The following SLC20A1 variants were observed in gnomAD, a reference collection of about 807,000 sequenced individuals.
SLC20A1 encodes sodium-dependent phosphate transporter 1.
Under a neutral mutation model 62.7 loss-of-function variants are expected in SLC20A1, and 28 were observed. The ratio of observed to expected loss-of-function variants is 0.45; its 90% CI spans 0.33 to 0.61. The LOEUF (loss-of-function observed/expected upper bound fraction) is 0.61. Among genes scored for constraint, SLC20A1 ranks in the 20% least tolerant of loss-of-function variants. SLC20A1 has a pLI of 0.02. For synonymous variants in SLC20A1, 305 were observed against 302.9 expected (o/e 1.01, Z -0.07); for missense variants, 673 against 838.6 (o/e 0.80, Z 2.44).
At chr2:112,648,281 A>T (rs553561112) in intron 4 of SLC20A1, among the ~76,000 whole-genome samples, 3 of 152,332 alleles carry the variant, frequency 2.0e-5, no homozygotes, top group Admixed American at 2.0e-4. Flanking sequence ...CCCCCCAAAA[A>T]AACTTCAGGC....
At chr2:112,654,541 G>A (rs1365576919) in intron 5 of SLC20A1, among the ~76,000 whole-genome samples, 2 of 152,174 alleles carry the variant, frequency 1.3e-5, no homozygotes, top group Non-Finnish European at 2.9e-5. Context: ...TTTAGTTTGT[G>A]TGACCACATG....
rs372807489 is a variant in SLC20A1 at position 112,661,136 on chromosome 2, C to T, written c.1794-6C>T. Reference sequence around the variant, plus strand: ...CTTCCTGACAAGAATCCTTTTGTGTCTGTAGTGGCTTCAGTATTGAACTGG... The same window carrying T: ...CTTCCTGACAAGAATCCTTTTGTGTTTGTAGTGGCTTCAGTATTGAACTGG... On this transcript the variant is annotated splice_region_variant and splice_polypyrimidine_tract_variant and intron_variant, in intron 9 of 10. Transcript: ENST00000272542. The T allele has an allele frequency of 1.9e-5, 31 of 1,612,408 alleles. No homozygotes were observed. The highest frequency in any genetic ancestry group is 2.5e-5 in the Non-Finnish European group (29 of 1,178,652).
At chr2:112,646,296 C>T (rs1686272213) in intron 1 of SLC20A1, among the ~76,000 whole-genome samples, 167 bp downstream of exon 1, 1 of 151,944 alleles carries the variant, frequency 6.6e-6, no homozygotes, top group Non-Finnish European at 1.5e-5. Flanking sequence ...TTTGGCGGTC[C>T]CCGGGCGGCG....
rs1686303082 is a variant in SLC20A1, at chr2:112,647,072, AG to A, written c.245del (p.Ser82ThrfsTer8). On this transcript the variant is annotated frameshift_variant, in exon 2 of 11. Transcript: ENST00000272542. LOFTEE classifies it high-confidence loss of function. ...VGSVLLGAKV[S>X]ETIRKGLIDV... ...CTCTGTCTTACTGGGGGCCAAAGTG[AG>A]CGAAACCATCCGGAAGGGCTTGATT... 1 of 1,614,048 alleles carries A rather than the reference AG, an allele frequency of 6.2e-7. No individual in the cohort carries two copies. The highest frequency in any genetic ancestry group is 1.3e-5 in the African/African-American group (1 of 74,908).
At position 112,660,392 on chromosome 2, in the gene SLC20A1, C is replaced by T. The variant is rs1574190664; in HGVS notation, c.1613C>T (p.Ala538Val). Residue 538 changes from alanine (A) to valine (V), a missense_variant, in exon 9 of 11, where the codon GCC (alanine) becomes GTC (valine). Physicochemically the swap from Ala to Val is moderately conservative, Grantham distance 64. Transcript: ENST00000272542. Reference sequence around the variant, plus strand: ...GCCCTCTTTGTTTCTTCCAGCAATGCCATTGGGCCTCTGGTTGCTTTATAT... The same window carrying T: ...GCCCTCTTTGTTTCTTCCAGCAATGTCATTGGGCCTCTGGTTGCTTTATAT... ...FAHGGNDVSN[A>V]IGPLVALYLV... is the part of the protein sequence containing the mutation. 1 of 1,613,626 alleles carries T rather than the reference C, an allele frequency of 6.2e-7. No homozygotes were observed. The highest frequency in any genetic ancestry group is 1.1e-5 in the South Asian group (1 of 91,014).
chr2:112,655,222 G>A (rs1686550612), intron 5 of SLC20A1, among the ~76,000 whole-genome samples: 2 of 152,040 alleles, frequency 1.3e-5, no homozygotes, highest in Admixed American at 1.3e-4. Context: ...ACGGACCTCA[G>A]CCTCCCAAAG....
chr2:112,659,543 G>GT lies in SLC20A1; in HGVS notation c.1390dup (p.Tyr464LeufsTer10). Reference sequence around the variant, plus strand: ...TCCAAGAAGCGAATTCGAATGGACAGTTACACCAGTTACTGCAATGCTGTG... The same window carrying GT: ...TCCAAGAAGCGAATTCGAATGGACAGTTTACACCAGTTACTGCAATGCTGTG... On this transcript the variant is annotated frameshift_variant, in exon 8 of 11. Coordinates refer to ENST00000272542, the MANE Select transcript of SLC20A1 (RefSeq NM_005415.5). LOFTEE classifies it high-confidence loss of function. 6.2e-7 allele frequency: 1 copy of GT among 1,614,260 alleles called. No individual in the cohort carries two copies. Among genetic ancestry groups the GT allele is most frequent in the Non-Finnish European group, 8.5e-7 (1 of 1,180,044 alleles).
Position 112,647,478 on chromosome 2 carries a change from C to T in SLC20A1, c.475+14C>T, listed in dbSNP as rs756895406. ...TGATAAAAATTGGTATGTTTAATTCCAAACGGCTTCTTAATTTTCGTTTTC... is the reference window on the plus strand; with the variant it reads ...TGATAAAAATTGGTATGTTTAATTCTAAACGGCTTCTTAATTTTCGTTTTC... On this transcript the variant is annotated intron_variant, in intron 3 of 10. Transcript: ENST00000272542. The T allele has an allele frequency of 1.9e-6, 3 of 1,605,320 alleles. No homozygotes were observed. In the South Asian group the frequency reaches 3.4e-5, roughly 18 times the overall value.
chr2:112,649,412 A>C lies in SLC20A1; in HGVS notation c.561+1674A>C, dbSNP rs17042207. On this transcript the variant is annotated intron_variant, in intron 4 of 10. Transcript: ENST00000272542. ...AACAGGAGTTTTCAGTTGAGTATGA[A>C]TATTTCTGCTTCCTTTTAGGAGTTA... Among the ~76,000 whole-genome samples, 319 of 152,272 alleles carry C rather than the reference A, an allele frequency of 2.1e-3. 1 individual carries two copies. Among genetic ancestry groups the C allele is most frequent in the African/African-American group, 7.1e-3 (296 of 41,558 alleles).
At position 112,652,699 on chromosome 2, in the gene SLC20A1, C is replaced by T. The variant is rs779152045; in HGVS notation, c.562-3C>T. 16 of 1,611,472 alleles carry T rather than the reference C, an allele frequency of 9.9e-6. No individual in the cohort carries two copies. Among genetic ancestry groups the T allele is most frequent in the Non-Finnish European group, 1.4e-5 (16 of 1,177,566 alleles). On this transcript the variant is annotated splice_region_variant and splice_polypyrimidine_tract_variant and intron_variant, in intron 4 of 10. Transcript: ENST00000272542. ...AGATATTGATCTTAATGATGTTTTA[C>T]AGGCAGATCCAGTTCCTAATGGTTT...
In SLC20A1 at chr2:112,659,271, C is replaced by T. The variant is rs776059187; in HGVS notation, c.1116C>T (p.Ser372=). 1 of 1,614,202 alleles carries T rather than the reference C, an allele frequency of 6.2e-7. No individual in the cohort carries two copies. Among genetic ancestry groups the T allele is most frequent in the Non-Finnish European group, 8.5e-7 (1 of 1,180,044 alleles). The change falls in exon 8 of 11, where the codon TCC becomes TCT. Residue 372 remains serine (S), a synonymous_variant. Transcript: ENST00000272542. ...AAGCCGTCAGCAACCAAATAAACTC[C>T]AGTGGCCACTACCAGTATCACACCG... ...FSQAVSNQIN[S]SGHYQYHTVH...
intron 5 of SLC20A1, 35 bp downstream of exon 5, chr2:112,652,833 A>G: frequency 6.2e-7 from 1 of 1,611,952 alleles, no homozygotes. Context: ...ATGTGAATTT[A>G]AAGTTGTTTA....
intron 4 of SLC20A1, among the ~76,000 whole-genome samples, chr2:112,648,838 C>T (rs1006823471): frequency 5.3e-5 from 8 of 152,202 alleles, no homozygotes; most frequent in African/African-American, 1.9e-4. Context: ...ATCTACCTTC[C>T]CACTCCCTAC....
Position 112,647,415 on chromosome 2 carries a change from C to G in SLC20A1, c.426C>G (p.Leu142=). 6.2e-7 allele frequency: 1 copy of G among 1,614,080 alleles called. No homozygotes were observed. Among genetic ancestry groups the G allele is most frequent in the Non-Finnish European group, 8.5e-7 (1 of 1,179,992 alleles). The change falls in exon 3 of 11, where the codon CTC becomes CTG. Residue 142 remains leucine, a synonymous_variant. Coordinates refer to ENST00000272542, the MANE Select transcript of SLC20A1 (RefSeq NM_005415.5). The stretch of plus-strand genomic sequence containing the variant: ...TTGGTGCAACTATTGGTTTCTCCCT[C>G]GTGGCAAAGGGGCAGGAGGGTGTCA... The part of the protein sequence containing the change: ...CIVGATIGFS[L]VAKGQEGVKW...
rs779599521 is a variant in SLC20A1 at position 112,647,013 on chromosome 2, C to T, written c.185C>T (p.Ala62Val). 2 of 1,614,106 alleles carry T rather than the reference C, an allele frequency of 1.2e-6. No homozygotes were observed. Among genetic ancestry groups the T allele is most frequent in the Non-Finnish European group, 1.7e-6 (2 of 1,180,034 alleles). Residue 62 changes from alanine (A) to valine (V), a missense_variant, in exon 2 of 11, where the codon GCC (alanine) becomes GTC (valine). Transcript: ENST00000272542. ...TCAGGTGTAGTGACCCTGAAGCAAG[C>T]CTGCATCCTAGCTAGCATCTTTGAA... ...VGSGVVTLKQ[A>V]CILASIFETV...
In SLC20A1 at chr2:112,646,840, G is replaced by C. The variant is rs1437114644; in HGVS notation, c.12G>C (p.Leu4=). The C allele has an allele frequency of 1.2e-6, 2 of 1,607,002 alleles. No individual in the cohort carries two copies. Among genetic ancestry groups the C allele is most frequent in the South Asian group, 2.2e-5 (2 of 90,906 alleles). The change falls in exon 2 of 11, where the codon CTG becomes CTC. Residue 4 remains leucine (L), a synonymous_variant. Transcript: ENST00000272542. ...CACTACTCCAGAGAATGGCAACGCTGATTACCAGTACTACAGCTGCTACCG... is the reference window on the plus strand; with the variant it reads ...CACTACTCCAGAGAATGGCAACGCTCATTACCAGTACTACAGCTGCTACCG... MAT[L]ITSTTAATAA...
Position 112,662,870 on chromosome 2 carries a change from T to C in SLC20A1, c.1885T>C (p.Ser629Pro). 1.2e-6 allele frequency: 2 copies of C among 1,614,090 alleles called. No individual in the cohort carries two copies. The highest frequency in any genetic ancestry group is 1.7e-6 in the Non-Finnish European group (2 of 1,179,984). The change falls in exon 11 of 11, where the codon TCT (serine) becomes CCT (proline). Residue 629 changes from serine (S) to proline (P), a missense_variant. Transcript: ENST00000272542. ...PISTTHCKVG[S>P]VVSVGWLRSK... is the part of the protein sequence containing the mutation. ...TGGTCTGCTTCTCTTCTAGGTGGGC[T>C]CTGTTGTGTCTGTTGGCTGGCTCCG... is the stretch of plus-strand genomic sequence containing the variant.
chr2:112,646,290 G>A (rs1686271983), intron 1 of SLC20A1, among the ~76,000 whole-genome samples, 161 bp downstream of exon 1: 1 of 151,916 alleles, frequency 6.6e-6, no homozygotes, highest in Admixed American at 6.6e-5. Flanking sequence ...GGCCTTTTTG[G>A]CGGTCCCCGG....
rs1479160307 is a variant in SLC20A1, at chr2:112,652,532, C to G, written c.562-170C>G. 5 of 597,230 alleles carry G rather than the reference C, an allele frequency of 8.4e-6. No homozygotes were observed. The Admixed American group carries it at 1.6e-4, about 19-fold the overall frequency. The allele number at this position is 597,230 out of a possible 1,614,324, so 37.0% of individuals were successfully genotyped here. A position where few individuals can be genotyped will look rare whatever the true frequency, so the allele number is the denominator to read the frequency against. On this transcript the variant is annotated intron_variant, in intron 4 of 10. Coordinates refer to ENST00000272542, the MANE Select transcript of SLC20A1 (RefSeq NM_005415.5). ...ACAGGTAGAAGTTGGAATTAGCCTT[C>G]GTAGGAAGAATTCCAGATGCAAATG...
Sources: gnomAD v4.1 joint callset for allele counts (sites outside exome capture counted in the v4.1 genomes callset) on GRCh38, gnomAD v4.1.1 for gene constraint, MANE v1.5 for transcripts, NCBI Gene and HGNC (gene_info 2026-07-23, HGNC 2026-07-21) for gene names.